TLE4: variants seen among roughly 807,000 people sequenced by gnomAD.
The protein encoded by TLE4 is transducin-like enhancer protein 4.
A neutral mutation model predicts 92.8 loss-of-function variants in TLE4; 8 were observed. The ratio of observed to expected loss-of-function variants is 0.09; its 90% CI spans 0.05 to 0.16. The LOEUF (loss-of-function observed/expected upper bound fraction) is 0.16, where lower values mean the gene tolerates loss of function less well. TLE4 is among the 10% of genes least tolerant of loss of function. TLE4 has a pLI of 1.00. For synonymous variants in TLE4, 371 were observed against 374.1 expected (o/e 0.99, Z 0.10); for missense variants, 675 against 997.6 (o/e 0.68, Z 4.36).
intron 14 of TLE4, among the ~76,000 whole-genome samples, chr9:79,713,342 T>C (rs893031778): frequency 2.0e-5 from 3 of 152,214 alleles, no homozygotes; most frequent in African/African-American, 7.2e-5. Context: ...TGTGTCTGGA[T>C]TGTTTAAAGT....
intron 4 of TLE4, among the ~76,000 whole-genome samples, chr9:79,589,365 A>G (rs1290008126): frequency 6.6e-6 from 1 of 151,858 alleles, no homozygotes; most frequent in Non-Finnish European, 1.5e-5. Flanking sequence ...GGTTGGTGGT[A>G]GTTAAGTTCT....
intron 8 of TLE4, among the ~76,000 whole-genome samples, chr9:79,692,023 TATA>T (rs1324874038): frequency 6.6e-6 from 1 of 152,154 alleles, no homozygotes; most frequent in African/African-American, 2.4e-5. Flanking sequence ...GGGGACTCAA[TATA>T]ATAACCCTCC....
chr9:79,652,377 C>T lies in TLE4; in HGVS notation c.391-216C>T, dbSNP rs546634757. Among the ~76,000 whole-genome samples, 237 of 152,148 alleles carry T rather than the reference C, an allele frequency of 1.6e-3. 1 individual carries two copies. The highest frequency in any genetic ancestry group is 5.3e-3 in the African/African-American group (220 of 41,500). On this transcript the variant is annotated intron_variant, in intron 6 of 19. Coordinates refer to ENST00000376552, the MANE Select transcript of TLE4 (RefSeq NM_007005.6). Reference sequence around the variant, plus strand: ...AATGTTTTTGTATTTTTAGTAGAGACGGGATTTCACCGTGTTAGCCAGGGT... The same window carrying T: ...AATGTTTTTGTATTTTTAGTAGAGATGGGATTTCACCGTGTTAGCCAGGGT...
intron 4 of TLE4, among the ~76,000 whole-genome samples, chr9:79,586,053 G>C (rs368114643): frequency 1.4e-5 from 2 of 141,312 alleles, no homozygotes; most frequent in African/African-American, 5.2e-5. Flanking sequence ...AAAGTGATTA[G>C]TTTTTGTACT....
chr9:79,694,035 G>C (rs1011653159), intron 8 of TLE4, among the ~76,000 whole-genome samples: 1 of 152,188 alleles, frequency 6.6e-6, no homozygotes, highest in African/African-American at 2.4e-5. Flanking sequence ...GGACATGTTA[G>C]AATAAGGGTC....
At chr9:79,724,779 C>T (rs1405026636) in intron 19 of TLE4, among the ~76,000 whole-genome samples, 1 of 137,692 alleles carries the variant, frequency 7.3e-6, no homozygotes, top group Non-Finnish European at 1.5e-5. Context: ...CTCAGAAGGT[C>T]GAGGCTACAG....
At chr9:79,639,172 C>T (rs2056630694) in intron 6 of TLE4, among the ~76,000 whole-genome samples, 1 of 152,056 alleles carries the variant, frequency 6.6e-6, no homozygotes. Context: ...AGGGATGCCA[C>T]ATGAATCAGG....
chr9:79,591,507 A>T (rs1391068710), intron 4 of TLE4, among the ~76,000 whole-genome samples: 1 of 152,210 alleles, frequency 6.6e-6, no homozygotes, highest in Non-Finnish European at 1.5e-5. Context: ...AGGGGAGATT[A>T]ATCAGTAGTT....
At chr9:79,587,442 C>G (rs1167571256) in intron 4 of TLE4, among the ~76,000 whole-genome samples, 4 of 152,184 alleles carry the variant, frequency 2.6e-5, no homozygotes, top group Non-Finnish European at 5.9e-5. Flanking sequence ...TCTAAGATAT[C>G]TTTCAACTCT....
At chr9:79,598,619 C>G (rs2044714163) in intron 4 of TLE4, among the ~76,000 whole-genome samples, 1 of 152,204 alleles carries the variant, frequency 6.6e-6, no homozygotes, top group Admixed American at 6.5e-5. Flanking sequence ...TAAGTCCTAT[C>G]TTGTTCCTGT....
intron 4 of TLE4, among the ~76,000 whole-genome samples, chr9:79,592,419 G>A (rs928341426): frequency 3.3e-5 from 5 of 151,658 alleles, no homozygotes; most frequent in Non-Finnish European, 7.4e-5. Flanking sequence ...GGGACTAAAG[G>A]TGCTTATCAC....
At chr9:79,715,639 C>T (rs1329984725) in intron 14 of TLE4, among the ~76,000 whole-genome samples, 1 of 152,118 alleles carries the variant, frequency 6.6e-6, no homozygotes, top group Non-Finnish European at 1.5e-5. Flanking sequence ...CCCCCTCTTC[C>T]ACCTTGTTGG....
intron 5 of TLE4, among the ~76,000 whole-genome samples, chr9:79,621,412 A>C (rs2050947521): frequency 6.6e-6 from 1 of 152,190 alleles, no homozygotes; most frequent in Non-Finnish European, 1.5e-5. Context: ...ATGCATTGTC[A>C]TATACTTGGA....
intron 12 of TLE4, 98 bp from the exon 13 acceptor site, chr9:79,708,495 C>T: frequency 1.6e-6 from 2 of 1,248,084 alleles, no homozygotes; most frequent in East Asian, 2.3e-5. Flanking sequence ...AAAATAAGCT[C>T]ATTTGAACCA....
At chr9:79,713,458 G>T (rs2073825511) in intron 14 of TLE4, among the ~76,000 whole-genome samples, 1 of 152,130 alleles carries the variant, frequency 6.6e-6, no homozygotes, top group African/African-American at 2.4e-5. Flanking sequence ...TTAACCTGTG[G>T]TGTGTGTGTT....
At position 79,572,717 on chromosome 9, in the gene TLE4, C is replaced by T. The variant is rs1416105022; in HGVS notation, c.-74C>T. 1 of 1,517,502 alleles carries T rather than the reference C, an allele frequency of 6.6e-7. No homozygotes were observed. Among genetic ancestry groups the T allele is most frequent in the Non-Finnish European group, 9.0e-7 (1 of 1,114,816 alleles). 94.0% of individuals were successfully genotyped at this position (1,517,502 alleles called of 1,614,324 possible). A position where few individuals can be genotyped will look rare whatever the true frequency, so the allele number is the denominator to read the frequency against. On this transcript the variant is annotated 5_prime_UTR_variant, in exon 1 of 20. Transcript: ENST00000376552. ...AGCCGGCCGCCTCCGCTGCCGCGGC[C>T]GCCTCCTCTTCGGGGTCATTAAAGC...
At chr9:79,631,407 T>A (rs893062028) in intron 6 of TLE4, among the ~76,000 whole-genome samples, 1 of 152,222 alleles carries the variant, frequency 6.6e-6, no homozygotes, top group Non-Finnish European at 1.5e-5. Context: ...CATTACATTT[T>A]AATAGGTTTT....
intron 4 of TLE4, among the ~76,000 whole-genome samples, chr9:79,600,906 A>T (rs1262610117): frequency 6.6e-6 from 1 of 152,196 alleles, no homozygotes; most frequent in Non-Finnish European, 1.5e-5. Context: ...TCGCATGAGT[A>T]GGCCCTTTCC....
intron 8 of TLE4, among the ~76,000 whole-genome samples, chr9:79,680,974 A>C (rs1219920156): frequency 1.3e-5 from 2 of 152,114 alleles, no homozygotes; most frequent in Non-Finnish European, 2.9e-5. Flanking sequence ...CCAGGGATGA[A>C]GCCCACTTGA....
Sources: gnomAD v4.1 joint callset for allele counts (sites outside exome capture counted in the v4.1 genomes callset) on GRCh38, gnomAD v4.1.1 for gene constraint, MANE v1.5 for transcripts, NCBI Gene and HGNC (gene_info 2026-07-23, HGNC 2026-07-21) for gene names.